Variants in LDB2 observed in about 807,000 individuals in gnomAD.
LDB2 encodes LIM domain binding 2.
Under a neutral mutation model 44.3 loss-of-function variants are expected in LDB2, and 12 were observed. That is an observed-to-expected ratio of 0.27 (90% CI 0.17 to 0.44). The LOEUF is 0.44. Among genes scored for constraint, LDB2 ranks in the 20% least tolerant of loss-of-function variants. The pLI, the probability that LDB2 is intolerant of heterozygous loss-of-function variation, is 1.00. For missense variants in LDB2, 344 were observed against 473.5 expected (o/e 0.73, Z 2.54); for synonymous variants, 164 against 174.8 (o/e 0.94, Z 0.49).
intron 1 of LDB2, among the ~76,000 whole-genome samples, chr4:16,885,452 T>C (rs1580484749): frequency 6.6e-6 from 1 of 152,194 alleles, no homozygotes; most frequent in Non-Finnish European, 1.5e-5. Context: ...ATGAGCAAGA[T>C]AGTGCCCAAT....
At chr4:16,800,157 A>T (rs1041395836) in intron 1 of LDB2, among the ~76,000 whole-genome samples, 2 of 152,220 alleles carry the variant, frequency 1.3e-5, no homozygotes, top group African/African-American at 4.8e-5. Flanking sequence ...CAGGAAAAAA[A>T]AAAATGTGAA....
intron 5 of LDB2, among the ~76,000 whole-genome samples, chr4:16,554,646 A>G (rs1195553862): frequency 6.6e-6 from 1 of 152,232 alleles, no homozygotes; most frequent in East Asian, 1.9e-4. Context: ...CTGTAAATGC[A>G]TATTGCTAAG....
chr4:16,859,127 G>A (rs1206629512), intron 1 of LDB2, among the ~76,000 whole-genome samples: 2 of 152,106 alleles, frequency 1.3e-5, no homozygotes, highest in African/African-American at 4.8e-5. Context: ...TTACAGATAA[G>A]GAAACTGAGC....
intron 5 of LDB2, among the ~76,000 whole-genome samples, chr4:16,535,731 T>C (rs1356848043): frequency 6.6e-6 from 1 of 152,236 alleles, no homozygotes; most frequent in African/African-American, 2.4e-5. Flanking sequence ...TACTGAATGC[T>C]TTCATTATGC....
intron 2 of LDB2, among the ~76,000 whole-genome samples, chr4:16,607,659 C>G (rs891683580): frequency 6.6e-6 from 1 of 152,088 alleles, no homozygotes; most frequent in Non-Finnish European, 1.5e-5. Context: ...CCCATAATAC[C>G]CTGTTTATGC....
intron 5 of LDB2, among the ~76,000 whole-genome samples, chr4:16,542,685 G>C (rs1447069200): frequency 6.6e-6 from 1 of 152,074 alleles, no homozygotes; most frequent in South Asian, 2.1e-4. Flanking sequence ...TCTATTCATT[G>C]ACCTACCCTT....
intron 2 of LDB2, among the ~76,000 whole-genome samples, chr4:16,744,146 G>GGTTTGTGT (rs1763896455): frequency 6.6e-6 from 1 of 151,742 alleles, no homozygotes; most frequent in African/African-American, 2.4e-5. Context: ...AGACTCATGT[G>GGTTTGTGT]GTTTGTTTGT....
chr4:16,692,053 C>A (rs1359639646), intron 2 of LDB2, among the ~76,000 whole-genome samples: 1 of 152,006 alleles, frequency 6.6e-6, no homozygotes, highest in African/African-American at 2.4e-5. Flanking sequence ...TCCTGAGAAC[C>A]ACAGTACAGT....
intron 1 of LDB2, among the ~76,000 whole-genome samples, chr4:16,764,416 G>A (rs947723622): frequency 6.6e-6 from 1 of 151,830 alleles, no homozygotes; most frequent in Non-Finnish European, 1.5e-5. Context: ...ATACAGCTAA[G>A]ACCTCTGCTG....
Position 16,792,819 on chromosome 4 carries a change from G to A in LDB2, c.133-33559C>T, listed in dbSNP as rs535934228. ...AGGAAGCTTTAACAAGAGGAAGGAG[G>A]AAGGAACATCATGATACATTTTATA... On this transcript the variant is annotated intron_variant, in intron 1 of 7. Transcript: ENST00000304523. Among the ~76,000 whole-genome samples, 253 of 152,356 alleles carry A rather than the reference G, an allele frequency of 1.7e-3. 1 individual carries two copies. Among genetic ancestry groups the A allele is most frequent in the African/African-American group, 5.8e-3 (242 of 41,578 alleles).
At chr4:16,621,788 G>C (rs546350867) in intron 2 of LDB2, among the ~76,000 whole-genome samples, 60 of 152,164 alleles carry the variant, frequency 3.9e-4, no homozygotes, top group African/African-American at 1.4e-3. Flanking sequence ...ATAACTCTAG[G>C]CCTCAAGCAA....
chr4:16,644,061 C>T (rs1314611595), intron 2 of LDB2, among the ~76,000 whole-genome samples: 2 of 152,180 alleles, frequency 1.3e-5, no homozygotes, highest in African/African-American at 4.8e-5. Flanking sequence ...AGTTTATGAA[C>T]ACTCTCACAG....
intron 2 of LDB2, among the ~76,000 whole-genome samples, chr4:16,690,289 C>T (rs893740721): frequency 1.3e-5 from 2 of 151,430 alleles, no homozygotes; most frequent in African/African-American, 4.9e-5. Flanking sequence ...GAGAAAACAC[C>T]ATCTCTACTA....
chr4:16,769,862 C>G (rs543411730), intron 1 of LDB2, among the ~76,000 whole-genome samples: 7 of 152,192 alleles, frequency 4.6e-5, no homozygotes, highest in African/African-American at 1.4e-4. Context: ...TGTCTAGTGC[C>G]TGTGGATGCT....
At chr4:16,760,468 C>T (rs1234187634) in intron 1 of LDB2, among the ~76,000 whole-genome samples, 1 of 152,198 alleles carries the variant, frequency 6.6e-6, no homozygotes, top group African/African-American at 2.4e-5. Context: ...TCTTTGGCTT[C>T]CTTCCAATCA....
chr4:16,647,773 T>C (rs1737189721), intron 2 of LDB2, among the ~76,000 whole-genome samples: 2 of 152,194 alleles, frequency 1.3e-5, no homozygotes, highest in African/African-American at 2.4e-5. Context: ...TCCGACACCA[T>C]GTAGGTGAAT....
intron 2 of LDB2, 80 bp downstream of exon 2, chr4:16,759,078 G>A (rs1044292235): frequency 2.2e-5 from 19 of 870,246 alleles, no homozygotes; most frequent in Middle Eastern, 2.2e-4. Context: ...TGTCAGCTCT[G>A]TGCTATTCTC....
chr4:16,614,972 AG>A (rs1726823934), intron 2 of LDB2, among the ~76,000 whole-genome samples: 1 of 144,572 alleles, frequency 6.9e-6, no homozygotes, highest in African/African-American at 2.5e-5. Flanking sequence ...TGGGAGGCTG[AG>A]GCAGGAGAAT....
At chr4:16,511,526 C>T (rs1375499312) in intron 6 of LDB2, among the ~76,000 whole-genome samples, 1 of 151,908 alleles carries the variant, frequency 6.6e-6, no homozygotes, top group African/African-American at 2.4e-5. Flanking sequence ...TCCTTCTTTC[C>T]ATCCCTTCTT....
Sources: gnomAD v4.1 joint callset for allele counts (sites outside exome capture counted in the v4.1 genomes callset) on GRCh38, gnomAD v4.1.1 for gene constraint, MANE v1.5 for transcripts, NCBI Gene and HGNC (gene_info 2026-07-23, HGNC 2026-07-21) for gene names.